P2RY8: variants seen among roughly 807,000 people sequenced by gnomAD.
P2RY8 encodes the protein S-geranylgeranyl-glutathione receptor P2RY8.
A neutral mutation model predicts 10.0 loss-of-function variants in P2RY8; 6 were observed. That is an observed-to-expected ratio of 0.60 (90% CI 0.33 to 1.19). The LOEUF (loss-of-function observed/expected upper bound fraction) is 1.19, where lower values mean the gene tolerates loss of function less well. P2RY8 is among the 50% of genes most tolerant of loss of function. P2RY8 has a pLI of 0.04. For missense variants in P2RY8, 456 were observed against 542.0 expected, an observed-to-expected ratio of 0.84 and a Z score of 1.58; for synonymous variants, 276 against 252.5, an observed-to-expected ratio of 1.09 and a Z score of -0.88.
chrX:1,535,663 A>G lies in P2RY8; in HGVS notation c.-25+1258T>C, dbSNP rs181759422. ...GCGCTTCAGACTTCTCATCCACGTTACGTAAAGATAACAACATGGGAAGAA... is the reference window on the plus strand; with the variant it reads ...GCGCTTCAGACTTCTCATCCACGTTGCGTAAAGATAACAACATGGGAAGAA... On this transcript the variant is annotated intron_variant, in intron 1 of 1. Transcript: ENST00000381297. Among the ~76,000 whole-genome samples, 353 of 151,386 alleles carry G rather than the reference A, an allele frequency of 2.3e-3. 3 individuals carry two copies. Among genetic ancestry groups the G allele is most frequent in the African/African-American group, 8.0e-3 (331 of 41,236 alleles).
At chrX:1,521,020 C>T (rs1346278784) in intron 1 of P2RY8, among the ~76,000 whole-genome samples, 1 of 140,598 alleles carries the variant, frequency 7.1e-6, no homozygotes, top group East Asian at 2.1e-4. Context: ...AATATCCTCT[C>T]TGATTTTTCT....
chrX:1,528,797 T>C (rs1421483935), intron 1 of P2RY8, among the ~76,000 whole-genome samples: 1 of 152,066 alleles, frequency 6.6e-6, no homozygotes, highest in Non-Finnish European at 1.5e-5. Flanking sequence ...GATTTGAGTC[T>C]CTTTGATTGC....
Position 1,466,298 on chromosome X carries a change from G to T in P2RY8, c.261C>A (p.His87Gln). The T allele has an allele frequency of 6.2e-7, 1 of 1,613,912 alleles. No homozygotes were observed. Among genetic ancestry groups the T allele is most frequent in the African/African-American group, 1.3e-5 (1 of 75,040 alleles). The stretch of plus-strand genomic sequence containing the variant: ...AAAGCAGCACCCCGAATACCCAGTG[G>T]TGGCGGTTGCAATGGTAGTAGATTT... The part of the protein sequence containing the change: ...PFQIYYHCNR[H>Q]HWVFGVLLCN... Residue 87 changes from histidine to glutamine, a missense_variant, in exon 2 of 2, where the codon CAC (histidine) becomes CAA (glutamine). By Grantham distance (24) the His-to-Gln change is conservative. Transcript: ENST00000381297.
At chrX:1,521,034 C>CTT (rs1163534557) in intron 1 of P2RY8, among the ~76,000 whole-genome samples, 1,002 of 60,970 alleles carry the variant, frequency 0.016, 32 homozygotes, top group African/African-American at 0.029. Flanking sequence ...TTTTTCTTTT[C>CTT]TTTTTTTTTT....
chrX:1,530,511 A>T (rs2092466831), intron 1 of P2RY8, among the ~76,000 whole-genome samples: 1 of 144,774 alleles, frequency 6.9e-6, no homozygotes, highest in Non-Finnish European at 1.6e-5. Context: ...GTATATATGT[A>T]TCTAATTTAT....
intron 1 of P2RY8, among the ~76,000 whole-genome samples, chrX:1,535,334 C>T (rs1392414368): frequency 6.6e-6 from 1 of 151,248 alleles, no homozygotes; most frequent in Non-Finnish European, 1.5e-5. Context: ...ATGACAGGTG[C>T]CCGCCGCCAC....
intron 1 of P2RY8, among the ~76,000 whole-genome samples, chrX:1,473,582 AG>A: frequency 1.2e-5 from 1 of 80,088 alleles, no homozygotes; most frequent in Admixed American, 1.2e-4. Flanking sequence ...ATGGGTGGGT[AG>A]GTGGGTGAAT....
chrX:1,515,148 C>CGT (rs2092336179), intron 1 of P2RY8, among the ~76,000 whole-genome samples: 3 of 149,730 alleles, frequency 2.0e-5, no homozygotes, highest in Admixed American at 6.7e-5. Flanking sequence ...TAACCTCAAA[C>CGT]AATCCACCCA....
intron 1 of P2RY8, among the ~76,000 whole-genome samples, chrX:1,507,636 T>C (rs1192421861): frequency 6.6e-6 from 1 of 151,304 alleles, no homozygotes; most frequent in African/African-American, 2.4e-5. Context: ...CCCGGCGGAG[T>C]CCCCACGTGC....
intron 1 of P2RY8, among the ~76,000 whole-genome samples, chrX:1,535,251 G>A (rs1167897204): frequency 2.1e-5 from 3 of 141,354 alleles, no homozygotes; most frequent in African/African-American, 5.4e-5. Context: ...GCAGTGGCGC[G>A]ATCTTGGCTC....
chrX:1,473,254 C>T (rs1433704529), intron 1 of P2RY8, among the ~76,000 whole-genome samples: 109 of 49,454 alleles, frequency 2.2e-3, no homozygotes, highest in African/African-American at 8.7e-3. Flanking sequence ...GGTGCGTGGA[C>T]GGATGGGTGA....
intron 1 of P2RY8, among the ~76,000 whole-genome samples, chrX:1,530,211 T>C (rs1230778465): frequency 1.3e-5 from 2 of 150,328 alleles, no homozygotes; most frequent in South Asian, 2.1e-4. Flanking sequence ...TATCTATCTA[T>C]CTATGTATCC....
At chrX:1,512,987 A>T (rs2092310254) in intron 1 of P2RY8, among the ~76,000 whole-genome samples, 1 of 151,964 alleles carries the variant, frequency 6.6e-6, no homozygotes, top group Admixed American at 6.6e-5. Flanking sequence ...CCCCACATGC[A>T]TTGGGTATTT....
In P2RY8 at chrX:1,470,837, ATTTT is replaced by A. The variant is rs1166098896; in HGVS notation, c.-24-4259_-24-4256del. On this transcript the variant is annotated intron_variant, in intron 1 of 1. Coordinates refer to ENST00000381297, the MANE Select transcript of P2RY8 (RefSeq NM_178129.5). ...TGGATGGACATTTTTGTTCTTTCTG[ATTTT>A]TTTTTTTTTTTTTGAGATGGAGTCT... 3.9e-5 allele frequency among the ~76,000 whole-genome samples: 5 copies of A among 129,540 alleles called. No homozygotes were observed. The East Asian group carries it at 8.8e-4, about 23-fold the overall frequency. 85.0% of individuals were successfully genotyped at this position (129,540 alleles called of 152,430 possible). A position where few individuals can be genotyped will look rare whatever the true frequency, so the allele number is the denominator to read the frequency against.
Position 1,508,666 on chromosome X carries a change from G to A in P2RY8, c.-25+28255C>T, listed in dbSNP as rs748609907. On this transcript the variant is annotated intron_variant, in intron 1 of 1. Transcript: ENST00000381297. Reference sequence around the variant, plus strand: ...ATTCATCCATCTATCTATCCTGTATGTATTTATCTATCCATCATCCATCCA... The same window carrying A: ...ATTCATCCATCTATCTATCCTGTATATATTTATCTATCCATCATCCATCCA... 2.0e-3 allele frequency among the ~76,000 whole-genome samples: 252 copies of A among 128,442 alleles called. 4 individuals carry two copies. Among genetic ancestry groups the A allele is most frequent in the African/African-American group, 6.1e-3 (230 of 37,474 alleles). 84.3% of individuals were successfully genotyped at this position (128,442 alleles called of 152,430 possible). A position where few individuals can be genotyped will look rare whatever the true frequency, so the allele number is the denominator to read the frequency against.
intron 1 of P2RY8, among the ~76,000 whole-genome samples, chrX:1,467,971 G>A (rs4330866): frequency 0.48 from 71,303 of 149,902 alleles, 17,564 homozygotes; most frequent in African/African-American, 0.64. Context: ...CAGTACCTCC[G>A]TGCCCAGCTA....
chrX:1,503,124 A>G (rs1444099028), intron 1 of P2RY8, among the ~76,000 whole-genome samples: 2 of 150,606 alleles, frequency 1.3e-5, no homozygotes, highest in Non-Finnish European at 3.0e-5. Context: ...CACAGAGGAG[A>G]AGGCCACGTG....
rs746009732 is a variant in P2RY8, at chrX:1,500,192, G to A, written c.-24-33610C>T. On this transcript the variant is annotated intron_variant, in intron 1 of 1. Coordinates refer to ENST00000381297, the MANE Select transcript of P2RY8 (RefSeq NM_178129.5). ...TTTTTAATGTTTTTTTTTAGTTTTC[G>A]GTGTACAAATCTACTTTCATGATTA... Among the ~76,000 whole-genome samples the A allele has an allele frequency of 3.3e-5, 5 of 151,702 alleles. No homozygotes were observed. The South Asian group carries it at 6.2e-4, about 19-fold the overall frequency.
intron 1 of P2RY8, among the ~76,000 whole-genome samples, chrX:1,532,293 A>G (rs2092480604): frequency 7.9e-6 from 1 of 125,894 alleles, no homozygotes; most frequent in South Asian, 2.9e-4. Context: ...CATATATGTC[A>G]TATATATGTG....
Sources: gnomAD v4.1 joint callset for allele counts (sites outside exome capture counted in the v4.1 genomes callset) on GRCh38, gnomAD v4.1.1 for gene constraint, MANE v1.5 for transcripts, NCBI Gene and HGNC (gene_info 2026-07-23, HGNC 2026-07-21) for gene names.